Variants in CUX2 observed in about 807,000 individuals in gnomAD.
CUX2 encodes cut like homeobox 2.
CUX2 carries 40 observed loss-of-function variants against 144.8 expected under a neutral mutation model. The observed-to-expected ratio is 0.28, with a 90% CI of 0.21 to 0.36. The LOEUF is 0.36. CUX2 is among the 10% of genes least tolerant of loss of function. CUX2 has a pLI of 1.00. For synonymous variants in CUX2, 827 were observed against 875.6 expected (o/e 0.94, Z 0.98); for missense variants, 1,615 against 1,994.0 (o/e 0.81, Z 3.62).
At chr12:111,182,616 C>T (rs1218654248) in intron 1 of CUX2, among the ~76,000 whole-genome samples, 1 of 152,194 alleles carries the variant, frequency 6.6e-6, no homozygotes, top group African/African-American at 2.4e-5. Flanking sequence ...AAGCTGGCTC[C>T]GCTTGGAATT....
intron 1 of CUX2, among the ~76,000 whole-genome samples, chr12:111,064,182 T>C (rs1158016105): frequency 2.0e-5 from 3 of 152,116 alleles, no homozygotes; most frequent in East Asian, 1.9e-4. Context: ...AGACAAATGA[T>C]TGGATTCAGA....
chr12:111,042,090 A>C (rs867826120), intron 1 of CUX2, among the ~76,000 whole-genome samples: 11 of 152,336 alleles, frequency 7.2e-5, no homozygotes, highest in East Asian at 3.9e-4. Flanking sequence ...AGAAAGAAAG[A>C]AATCAATCCT....
chr12:111,186,934 A>G lies in CUX2; in HGVS notation c.64-27266A>G, dbSNP rs1028168522. Among the ~76,000 whole-genome samples the G allele has an allele frequency of 8.6e-5, 13 of 151,766 alleles. No homozygotes were observed. Among genetic ancestry groups the G allele is most frequent in the Admixed American group, 3.9e-4 (6 of 15,246 alleles). On this transcript the variant is annotated intron_variant, in intron 1 of 21. Transcript: ENST00000261726. The surrounding 1 kb of genome is among the most constrained non-coding windows in gnomAD (Gnocchi z 4.4). ...GCTGGGATTACAGGCACGTGCCACC[A>G]TGCCTGGCTAATTTTTGTATTTTTG... is the stretch of plus-strand genomic sequence containing the variant.
rs753654989 is a variant in CUX2 at position 111,304,315 on chromosome 12, G to T, written c.858+1G>T. ...CTGCTCTCCCCAGGGGCCCAGTGGG[G>T]TAAGGATGGGGTTGGGGAAGTGAGC... On this transcript the variant is annotated splice_donor_variant, in intron 10 of 21. Transcript: ENST00000261726. LOFTEE classifies it high-confidence loss of function. This position sits in a 1 kb window ranked among gnomAD's most constrained non-coding sequence, Gnocchi z 4.7. 2 of 1,612,432 alleles carry T rather than the reference G, an allele frequency of 1.2e-6. No homozygotes were observed. The highest frequency in any genetic ancestry group is 1.7e-6 in the Non-Finnish European group (2 of 1,179,002).
At position 111,039,228 on chromosome 12, in the gene CUX2, G is replaced by A. The variant is rs140609175; in HGVS notation, c.63+4988G>A. Among the ~76,000 whole-genome samples the A allele has an allele frequency of 4.2e-3, 638 of 152,262 alleles. 4 individuals carry two copies. The highest frequency in any genetic ancestry group is 0.014 in the African/African-American group (600 of 41,548). On this transcript the variant is annotated intron_variant, in intron 1 of 21. Transcript: ENST00000261726. This position sits in a 1 kb window ranked among gnomAD's most constrained non-coding sequence, Gnocchi z 4.2. ...GGTGAAGCATTGGAAGGGGACTCAG[G>A]TGGTGACCTGCCTTTGTTCCTGGCC...
rs144138263 is a variant in CUX2 at position 111,192,639 on chromosome 12, C to A, written c.64-21561C>A. On this transcript the variant is annotated intron_variant, in intron 1 of 21. Transcript: ENST00000261726. ...CTGTCCAGTTCATCATCGCAGCCCA[C>A]CCGGGGTCTGACACAGAGAAGGACC... 2.1e-3 allele frequency among the ~76,000 whole-genome samples: 316 copies of A among 152,322 alleles called. 1 individual carries two copies. Among genetic ancestry groups the A allele is most frequent in the African/African-American group, 7.1e-3 (295 of 41,558 alleles).
At chr12:111,223,108 G>A (rs1217914061) in intron 3 of CUX2, among the ~76,000 whole-genome samples, 8 of 152,084 alleles carry the variant, frequency 5.3e-5, no homozygotes, top group African/African-American at 1.2e-4. Flanking sequence ...GTGCAGGTCC[G>A]CTCAACAGAT....
At chr12:111,088,609 G>A (rs1042852300) in intron 1 of CUX2, among the ~76,000 whole-genome samples, 1 of 152,216 alleles carries the variant, frequency 6.6e-6, no homozygotes, top group African/African-American at 2.4e-5. Flanking sequence ...GCCCTGTGGA[G>A]TAGATGGAGA....
At position 111,349,885 on chromosome 12, in the gene CUX2, G is replaced by T. The variant is rs574043954; in HGVS notation, c.*1560G>T. The T allele has an allele frequency of 6.6e-6, 1 of 152,314 alleles. No homozygotes were observed. The highest frequency in any genetic ancestry group is 2.1e-4 in the South Asian group (1 of 4,818). 9.4% of individuals were successfully genotyped at this position (152,314 alleles called of 1,614,324 possible). A position where few individuals can be genotyped will look rare whatever the true frequency, so the allele number is the denominator to read the frequency against. On this transcript the variant is annotated 3_prime_UTR_variant, in exon 22 of 22. Coordinates refer to ENST00000261726, the MANE Select transcript of CUX2 (RefSeq NM_015267.4). ...CCAGCGGGTGAGATGGCCGATGGAG[G>T]TTTCAAAGATGTAGCTAGCATTTTG...
chr12:111,102,935 G>A (rs1354737090), intron 1 of CUX2, among the ~76,000 whole-genome samples: 1 of 152,164 alleles, frequency 6.6e-6, no homozygotes, highest in Admixed American at 6.5e-5. Flanking sequence ...TTCCTTACCA[G>A]TTTAATGATA....
chr12:111,308,138 G>A (rs1886691723), intron 12 of CUX2, 147 bp from the exon 13 acceptor site: 8 of 871,464 alleles, frequency 9.2e-6, no homozygotes, highest in South Asian at 3.1e-5. Context: ...CTTCAGGCCT[G>A]GGGTTGCAAT....
chr12:111,291,582 C>A, intron 5 of CUX2, 30 bp downstream of exon 5: 1 of 1,546,128 alleles, frequency 6.5e-7, no homozygotes. Flanking sequence ...GGAGCGTCTA[C>A]AATAAACAAC....
At chr12:111,117,576 G>C (rs575737214) in intron 1 of CUX2, among the ~76,000 whole-genome samples, 1 of 152,314 alleles carries the variant, frequency 6.6e-6, no homozygotes, top group South Asian at 2.1e-4. Context: ...CAGCATGAAT[G>C]ATGACCATAA....
At chr12:111,175,747 A>T (rs1389191469) in intron 1 of CUX2, among the ~76,000 whole-genome samples, 1 of 152,156 alleles carries the variant, frequency 6.6e-6, no homozygotes, top group Non-Finnish European at 1.5e-5. Flanking sequence ...GGTCGGAGAC[A>T]TCAGTTAAAG....
At chr12:111,167,057 G>A (rs1024141667) in intron 1 of CUX2, among the ~76,000 whole-genome samples, 1 of 152,150 alleles carries the variant, frequency 6.6e-6, no homozygotes, top group African/African-American at 2.4e-5. Context: ...CTGGCAGGGA[G>A]AGCGAGAGCG....
intron 18 of CUX2, among the ~76,000 whole-genome samples, chr12:111,329,405 A>G (rs907706137): frequency 6.6e-6 from 1 of 151,998 alleles, no homozygotes; most frequent in Non-Finnish European, 1.5e-5. Flanking sequence ...GATAGAGATA[A>G]TTTCTGAATC....
rs773215273 is a variant in CUX2 at position 111,251,394 on chromosome 12, C to T, written c.223-12367C>T. Among the ~76,000 whole-genome samples the T allele has an allele frequency of 9.2e-5, 14 of 152,134 alleles. No individual in the cohort carries two copies. The South Asian group carries it at 1.0e-3, about 11-fold the overall frequency. On this transcript the variant is annotated intron_variant, in intron 3 of 21. Transcript: ENST00000261726. ...AGCGATTATATTAGTTGCCACCGAG[C>T]GGAGGTGAGAAGTTAGAACTTCATT...
At chr12:111,188,488 T>C (rs1879686388) in intron 1 of CUX2, among the ~76,000 whole-genome samples, 1 of 152,064 alleles carries the variant, frequency 6.6e-6, no homozygotes, top group African/African-American at 2.4e-5. Context: ...AGGGGTCCCA[T>C]GTAGCAGGAT....
At chr12:111,215,354 A>C (rs1178693779) in intron 2 of CUX2, among the ~76,000 whole-genome samples, 1 of 152,200 alleles carries the variant, frequency 6.6e-6, no homozygotes, top group Non-Finnish European at 1.5e-5. Flanking sequence ...TCATATGAGC[A>C]CAGAGGGGAG....
Sources: gnomAD v4.1 joint callset for allele counts (sites outside exome capture counted in the v4.1 genomes callset) on GRCh38, gnomAD v4.1.1 for gene constraint, Gnocchi (gnomAD v3.1) non-coding constraint, MANE v1.5 for transcripts, NCBI Gene and HGNC (gene_info 2026-07-23, HGNC 2026-07-21) for gene names.